The following CNTNAP2 variants were observed in gnomAD, a reference collection of about 807,000 sequenced individuals.
The protein encoded by CNTNAP2 is contactin associated protein 2.
CNTNAP2 carries 98 observed loss-of-function variants against 155.2 expected under a neutral mutation model. The observed-to-expected ratio is 0.63, with a 90% CI of 0.54 to 0.75. CNTNAP2 has a LOEUF of 0.75. Ranked by LOEUF, CNTNAP2 falls within the 30% of genes least tolerant of loss-of-function variation. The pLI, the probability that CNTNAP2 is intolerant of heterozygous loss-of-function variation, is 0.00. For missense variants in CNTNAP2, 1,727 were observed against 1,688.1 expected, an observed-to-expected ratio of 1.02 and a Z score of -0.40; for synonymous variants, 651 against 631.2, an observed-to-expected ratio of 1.03 and a Z score of -0.47.
intron 2 of CNTNAP2, among the ~76,000 whole-genome samples, chr7:146,798,296 T>A (rs1802807865): frequency 6.6e-6 from 1 of 151,882 alleles, no homozygotes; most frequent in Non-Finnish European, 1.5e-5. Flanking sequence ...AAAAAAGACT[T>A]TTTTTGTGGC....
At chr7:147,826,146 G>A (rs1798446464) in intron 13 of CNTNAP2, among the ~76,000 whole-genome samples, 1 of 152,176 alleles carries the variant, frequency 6.6e-6, no homozygotes, top group Non-Finnish European at 1.5e-5. Flanking sequence ...CAATATGCCA[G>A]TTGTGTGAAG....
chr7:146,505,043 C>A (rs6947569), intron 1 of CNTNAP2, among the ~76,000 whole-genome samples: 10,031 of 152,270 alleles, frequency 0.066, 820 homozygotes, highest in African/African-American at 0.19. Flanking sequence ...CCATCCATCA[C>A]AGACATTACA....
chr7:148,036,832 T>C (rs1306033705), intron 15 of CNTNAP2, among the ~76,000 whole-genome samples: 1 of 152,126 alleles, frequency 6.6e-6, no homozygotes, highest in African/African-American at 2.4e-5. Context: ...TCTGATTCTA[T>C]AAGGAATCTC....
At chr7:148,072,650 G>A (rs970649048) in intron 15 of CNTNAP2, among the ~76,000 whole-genome samples, 6 of 152,152 alleles carry the variant, frequency 3.9e-5, no homozygotes, top group African/African-American at 1.4e-4. Context: ...CTTACTACAG[G>A]TTTTCTGACC....
chr7:146,643,628 G>A (rs1351130756), intron 1 of CNTNAP2, among the ~76,000 whole-genome samples: 3 of 152,162 alleles, frequency 2.0e-5, no homozygotes, highest in African/African-American at 4.8e-5. Flanking sequence ...GCTTAGGGTT[G>A]ACTTGGCGAT....
At chr7:147,913,397 T>C (rs925854643) in intron 14 of CNTNAP2, among the ~76,000 whole-genome samples, 2 of 152,034 alleles carry the variant, frequency 1.3e-5, no homozygotes, top group East Asian at 1.9e-4. Context: ...GAAATAGAGA[T>C]TTTACCCTCA....
At chr7:147,009,291 C>T (rs1318608838) in intron 3 of CNTNAP2, among the ~76,000 whole-genome samples, 1 of 152,006 alleles carries the variant, frequency 6.6e-6, no homozygotes, top group African/African-American at 2.4e-5. Context: ...GATTTTTCCC[C>T]ATTCTGCTTA....
At chr7:147,861,770 C>CT (rs895576918) in intron 13 of CNTNAP2, among the ~76,000 whole-genome samples, 1 of 151,936 alleles carries the variant, frequency 6.6e-6, no homozygotes, top group Non-Finnish European at 1.5e-5. Flanking sequence ...AATCCCAGCA[C>CT]TTTGGGAGGC....
intron 15 of CNTNAP2, among the ~76,000 whole-genome samples, chr7:148,034,183 G>A (rs11764418): frequency 0.033 from 5,026 of 152,290 alleles, 132 homozygotes; most frequent in South Asian, 0.12. Flanking sequence ...GTGAACAGAT[G>A]AATTTCAAGT....
intron 12 of CNTNAP2, among the ~76,000 whole-genome samples, chr7:147,604,359 A>T (rs1393453002): frequency 6.6e-6 from 1 of 152,112 alleles, no homozygotes; most frequent in Non-Finnish European, 1.5e-5. Flanking sequence ...TCTACAAAGA[A>T]CTCAAACAAA....
In CNTNAP2 at chr7:148,164,190, G is replaced by A. The variant is rs772141267; in HGVS notation, c.2774-8052G>A. ...CCTCAGTGATCTGTCTGCCTGCCTC[G>A]GCCTCCCAAAGTGCTGGGATTGTAG... On this transcript the variant is annotated intron_variant, in intron 17 of 23. Transcript: ENST00000361727. Among the ~76,000 whole-genome samples the A allele has an allele frequency of 3.9e-5, 6 of 152,024 alleles. 1 individual carries two copies. The highest frequency in any genetic ancestry group is 4.1e-4 in the South Asian group (2 of 4,828).
At chr7:146,227,333 C>G (rs1244575411) in intron 1 of CNTNAP2, among the ~76,000 whole-genome samples, 1 of 145,682 alleles carries the variant, frequency 6.9e-6, no homozygotes, top group Non-Finnish European at 1.5e-5. Flanking sequence ...GCTGAGACAG[C>G]AGAATTGCTT....
chr7:146,645,798 T>A (rs1347089901), intron 1 of CNTNAP2, among the ~76,000 whole-genome samples: 1 of 151,980 alleles, frequency 6.6e-6, no homozygotes, highest in Non-Finnish European at 1.5e-5. Flanking sequence ...TGTGTGTGAA[T>A]TTGTATATGT....
rs142596003 is a variant in CNTNAP2, at chr7:146,858,583, C to G, written c.402+18679C>G. Among the ~76,000 whole-genome samples the G allele has an allele frequency of 7.2e-5, 11 of 152,188 alleles. No homozygotes were observed. The East Asian group carries it at 2.1e-3, about 30-fold the overall frequency. On this transcript the variant is annotated intron_variant, in intron 3 of 23. Coordinates refer to ENST00000361727, the MANE Select transcript of CNTNAP2 (RefSeq NM_014141.6). The stretch of plus-strand genomic sequence containing the variant: ...GTGGCATATGCCTGTAGTTCCAGCT[C>G]CTCATGAGGCTGAGATGGGAGGATC...
chr7:148,124,437 C>G (rs1217241563), intron 16 of CNTNAP2, among the ~76,000 whole-genome samples: 1 of 152,158 alleles, frequency 6.6e-6, no homozygotes, highest in Non-Finnish European at 1.5e-5. Flanking sequence ...CTTGACTGCT[C>G]TAGATCCTTT....
intron 13 of CNTNAP2, among the ~76,000 whole-genome samples, chr7:147,835,357 C>A (rs956666943): frequency 2.2e-4 from 34 of 152,192 alleles, no homozygotes; most frequent in Non-Finnish European, 4.1e-4. Flanking sequence ...TAAAGTGTCA[C>A]TCCTCGTTTT....
chr7:147,660,034 A>G, intron 13 of CNTNAP2, among the ~76,000 whole-genome samples: 1 of 152,236 alleles, frequency 6.6e-6, no homozygotes, highest in East Asian at 1.9e-4. Flanking sequence ...ATTGGGATCT[A>G]GATTCTTTAT....
At chr7:146,999,421 T>C (rs559345291) in intron 3 of CNTNAP2, among the ~76,000 whole-genome samples, 2 of 152,152 alleles carry the variant, frequency 1.3e-5, no homozygotes, top group East Asian at 1.9e-4. Context: ...CATATTAAAA[T>C]GTTTGGTTGC....
At chr7:147,273,828 TA>T (rs1218154976) in intron 8 of CNTNAP2, among the ~76,000 whole-genome samples, 3 of 147,560 alleles carry the variant, frequency 2.0e-5, no homozygotes, top group Non-Finnish European at 1.5e-5. Context: ...ATTTTATGTA[TA>T]AAAATGTAAT....
Sources: gnomAD v4.1 joint callset for allele counts (sites outside exome capture counted in the v4.1 genomes callset) on GRCh38, gnomAD v4.1.1 for gene constraint, MANE v1.5 for transcripts, NCBI Gene and HGNC (gene_info 2026-07-23, HGNC 2026-07-21) for gene names.